FMN2: variants seen among roughly 807,000 people sequenced by gnomAD.
The protein encoded by FMN2 is formin 2.
In FMN2, 51 loss-of-function variants were observed where a neutral mutation model predicts 142.3. That is an observed-to-expected ratio of 0.36 (90% CI 0.29 to 0.45). The LOEUF (loss-of-function observed/expected upper bound fraction) is 0.45. Among genes scored for constraint, FMN2 ranks in the 20% least tolerant of loss-of-function variants. The pLI is 1.00. For synonymous variants in FMN2, 882 were observed against 869.8 expected, an observed-to-expected ratio of 1.01 and a Z score of -0.25; for missense variants, 1,936 against 2,122.8, an observed-to-expected ratio of 0.91 and a Z score of 1.73.
At chr1:240,194,049 TTTG>T (rs1249551882) in intron 4 of FMN2, among the ~76,000 whole-genome samples, 9 of 152,024 alleles carry the variant, frequency 5.9e-5, no homozygotes, top group African/African-American at 2.2e-4. Flanking sequence ...TTTGTTTTTG[TTTG>T]TTTTTTGTTG....
rs1358542922 is a variant in FMN2, at chr1:240,323,888, A to C, written c.4216-5188A>C. Among the ~76,000 whole-genome samples, 8 of 152,096 alleles carry C rather than the reference A, an allele frequency of 5.3e-5. No individual in the cohort carries two copies. In the East Asian group the frequency reaches 1.5e-3, roughly 29 times the overall value. ...CAGGGTTCTCTTCATGTCTGACTTA[A>C]GGACAGCTGATTCCCAATGGTATCT... On this transcript the variant is annotated intron_variant, in intron 8 of 17. Coordinates refer to ENST00000319653, the MANE Select transcript of FMN2 (RefSeq NM_020066.5).
At chr1:240,421,311 G>A (rs1021940829) in intron 15 of FMN2, among the ~76,000 whole-genome samples, 14 of 152,028 alleles carry the variant, frequency 9.2e-5, no homozygotes, top group Admixed American at 2.0e-4. Context: ...ATTTCATTTC[G>A]TTTAATTTTA....
intron 14 of FMN2, among the ~76,000 whole-genome samples, chr1:240,388,227 CAAAAAAAAAA>C (rs761610582): frequency 7.1e-3 from 43 of 6,052 alleles, no homozygotes; most frequent in African/African-American, 0.032. Flanking sequence ...GTGCTCAAAG[CAAAAAAAAAA>C]AAAAAAAAAA....
chr1:240,390,760 A>G (rs1195248508), intron 14 of FMN2, among the ~76,000 whole-genome samples: 1 of 152,234 alleles, frequency 6.6e-6, no homozygotes, highest in Non-Finnish European at 1.5e-5. Context: ...TTAAGTGGCA[A>G]AATCAGGAAT....
chr1:240,425,232 A>AGAGAGAGAGC (rs1388831863), intron 15 of FMN2, among the ~76,000 whole-genome samples: 8 of 151,514 alleles, frequency 5.3e-5, no homozygotes, highest in African/African-American at 1.9e-4. Context: ...AGAGAGAGAG[A>AGAGAGAGAGC]GAGCCGTGAG....
At chr1:240,447,249 G>GT (rs754665734) in intron 16 of FMN2, among the ~76,000 whole-genome samples, 23 of 152,180 alleles carry the variant, frequency 1.5e-4, no homozygotes, top group Non-Finnish European at 2.8e-4. Context: ...CATGTGCTGG[G>GT]TCTGTGTGTG....
chr1:240,095,498 A>G lies in FMN2; in HGVS notation c.1615+1774A>G, dbSNP rs1661166132. Among the ~76,000 whole-genome samples the G allele has an allele frequency of 1.3e-5, 2 of 152,140 alleles. 1 individual carries two copies. Among genetic ancestry groups the G allele is most frequent in the Non-Finnish European group, 2.9e-5 (2 of 68,034 alleles). On this transcript the variant is annotated intron_variant, in intron 1 of 17. Coordinates refer to ENST00000319653, the MANE Select transcript of FMN2 (RefSeq NM_020066.5). Reference sequence around the variant, plus strand: ...TCTAGATGTAGGTGATACATAGACCATTAAATCATGATTTTGCCTTTCTAA... The same window carrying G: ...TCTAGATGTAGGTGATACATAGACCGTTAAATCATGATTTTGCCTTTCTAA...
At chr1:240,237,073 C>G (rs773551728) in intron 6 of FMN2, among the ~76,000 whole-genome samples, 3 of 152,164 alleles carry the variant, frequency 2.0e-5, no homozygotes, top group Non-Finnish European at 2.9e-5. Flanking sequence ...TTGTTTTTCA[C>G]ATAGCTGGGA....
chr1:240,096,997 G>A (rs1376094117), intron 1 of FMN2, among the ~76,000 whole-genome samples: 3 of 152,294 alleles, frequency 2.0e-5, no homozygotes, highest in African/African-American at 7.2e-5. Context: ...AAATTCGGGA[G>A]GTTCCTTTAC....
chr1:240,404,217 C>G (rs1295185216), intron 15 of FMN2, among the ~76,000 whole-genome samples: 1 of 152,212 alleles, frequency 6.6e-6, no homozygotes, highest in Non-Finnish European at 1.5e-5. Context: ...CATACTTTAT[C>G]ATGTTTAGTG....
At chr1:240,222,338 CA>C (rs2103425151) in intron 6 of FMN2, among the ~76,000 whole-genome samples, 1 of 152,092 alleles carries the variant, frequency 6.6e-6, no homozygotes, top group Non-Finnish European at 1.5e-5. Context: ...TGCTCTGTTC[CA>C]TTGGTCTATA....
At chr1:240,154,742 A>G (rs1018158463) in intron 2 of FMN2, 2 of 152,220 alleles carry the variant, frequency 1.3e-5, no homozygotes, top group Non-Finnish European at 2.9e-5. Flanking sequence ...ATTGAAATCA[A>G]TTGAAATAAC....
chr1:240,256,722 T>C (rs1376845614), intron 6 of FMN2, among the ~76,000 whole-genome samples: 1 of 152,050 alleles, frequency 6.6e-6, no homozygotes, highest in Admixed American at 6.6e-5. Context: ...CTGCACTCCT[T>C]CCTGGGTGAC....
intron 13 of FMN2, among the ~76,000 whole-genome samples, chr1:240,337,574 C>T (rs1387129849): frequency 6.6e-6 from 1 of 152,144 alleles, no homozygotes; most frequent in Admixed American, 6.6e-5. Context: ...GTATAGAAAG[C>T]ATTTATCTCA....
At chr1:240,247,229 G>T (rs1055344593) in intron 6 of FMN2, among the ~76,000 whole-genome samples, 1 of 152,200 alleles carries the variant, frequency 6.6e-6, no homozygotes, top group Non-Finnish European at 1.5e-5. Flanking sequence ...CAGGCTGGGA[G>T]TGGTGGCTCA....
chr1:240,472,279 C>A, intron 16 of FMN2, 93 bp from the exon 17 acceptor site: 2 of 852,480 alleles, frequency 2.3e-6, no homozygotes, highest in Admixed American at 2.5e-5. Context: ...TAATTCAAAT[C>A]TTTATTGAGT....
intron 2 of FMN2, chr1:240,145,242 G>T: frequency 2.0e-6 from 3 of 1,480,990 alleles, no homozygotes; most frequent in Non-Finnish European, 2.8e-6. Context: ...TCCTCAGACA[G>T]CTCCTGTTCT....
intron 7 of FMN2, among the ~76,000 whole-genome samples, chr1:240,284,205 C>A (rs1669507111): frequency 1.3e-5 from 2 of 152,120 alleles, no homozygotes; most frequent in African/African-American, 4.8e-5. Flanking sequence ...TTAACTGATT[C>A]AAATGTATTT....
intron 2 of FMN2, among the ~76,000 whole-genome samples, chr1:240,148,357 G>GAGGC (rs1476921563): frequency 7.0e-6 from 1 of 143,816 alleles, no homozygotes; most frequent in African/African-American, 2.8e-5. Flanking sequence ...GAAAGACAGA[G>GAGGC]AGACAGAGAC....
Sources: gnomAD v4.1 joint callset for allele counts (sites outside exome capture counted in the v4.1 genomes callset) on GRCh38, gnomAD v4.1.1 for gene constraint, MANE v1.5 for transcripts, NCBI Gene and HGNC (gene_info 2026-07-23, HGNC 2026-07-21) for gene names.